RASA1: variants seen among roughly 807,000 people sequenced by gnomAD.
RASA1 encodes the protein RAS p21 protein activator 1.
In RASA1, 25 loss-of-function variants were observed where a neutral mutation model predicts 132.2. The observed-to-expected ratio is 0.19, with a 90% confidence interval of 0.14 to 0.26. RASA1 has a LOEUF of 0.26. Ranked by LOEUF, RASA1 falls within the 10% of genes least tolerant of loss-of-function variation. RASA1 has a pLI of 1.00. For missense variants in RASA1, 964 were observed against 1,299.2 expected (o/e 0.74, Z 3.97); for synonymous variants, 477 against 449.9 (o/e 1.06, Z -0.76).
intron 9 of RASA1, among the ~76,000 whole-genome samples, chr5:87,360,433 C>A (rs1759998984): frequency 6.6e-6 from 1 of 152,158 alleles, no homozygotes; most frequent in African/African-American, 2.4e-5. Context: ...TTTGAAAACT[C>A]TGATGGCTCA....
intron 6 of RASA1, among the ~76,000 whole-genome samples, chr5:87,345,211 A>G (rs528161382): frequency 1.3e-5 from 2 of 152,164 alleles, no homozygotes; most frequent in Admixed American, 6.6e-5. Context: ...TGTGGTTGAA[A>G]TATATAAATT....
intron 1 of RASA1, among the ~76,000 whole-genome samples, chr5:87,304,469 A>G (rs1464692935): frequency 6.8e-6 from 1 of 146,842 alleles, no homozygotes; most frequent in Non-Finnish European, 1.5e-5. Flanking sequence ...TTTATTATAC[A>G]CTTTTTTTTT....
chr5:87,327,524 C>T (rs1437106285), intron 1 of RASA1, among the ~76,000 whole-genome samples: 1 of 152,110 alleles, frequency 6.6e-6, no homozygotes, highest in Non-Finnish European at 1.5e-5. Flanking sequence ...GTGGCATTGC[C>T]ATAGATTGGA....
chr5:87,377,923 T>C (rs2112494456), intron 17 of RASA1, among the ~76,000 whole-genome samples: 1 of 152,366 alleles, frequency 6.6e-6, no homozygotes, highest in South Asian at 2.1e-4. Flanking sequence ...TTATCTTTTC[T>C]GACAGCATTT....
At chr5:87,385,009 G>T (rs1761970458) in intron 21 of RASA1, among the ~76,000 whole-genome samples, 1 of 151,990 alleles carries the variant, frequency 6.6e-6, no homozygotes, top group African/African-American at 2.4e-5. Flanking sequence ...AAGCTTTGAG[G>T]TCCTTTGAAA....
At chr5:87,375,291 G>A (rs2112488011) in intron 15 of RASA1, among the ~76,000 whole-genome samples, 1 of 151,120 alleles carries the variant, frequency 6.6e-6, no homozygotes, top group East Asian at 2.0e-4. Context: ...ATGGAGTCTT[G>A]CTCTTGTTGC....
Position 87,268,381 on chromosome 5 carries a change from C to T in RASA1, c.-71C>T, listed in dbSNP as rs532394603. ...GGAGACGCGTCTGGGTGGGGCTGCT[C>T]GGAGCCCGGGCCTGGTGGCCCCTGG... On this transcript the variant is annotated 5_prime_UTR_variant, in exon 1 of 25. Coordinates refer to ENST00000274376, the MANE Select transcript of RASA1 (RefSeq NM_002890.3). 79 of 1,455,826 alleles carry T rather than the reference C, an allele frequency of 5.4e-5. No individual in the cohort carries two copies. Among genetic ancestry groups the T allele is most frequent in the Non-Finnish European group, 6.8e-5 (75 of 1,102,842 alleles). The allele number at this position is 1,455,826 out of a possible 1,614,324, so 90.2% of individuals were successfully genotyped here.
At chr5:87,303,352 AT>A (rs534267434) in intron 1 of RASA1, among the ~76,000 whole-genome samples, 17 of 142,266 alleles carry the variant, frequency 1.2e-4, no homozygotes, top group East Asian at 2.0e-4. Flanking sequence ...ATTGTGTCCT[AT>A]TTTTTTTTTC....
chr5:87,278,155 T>G (rs1754148534), intron 1 of RASA1, among the ~76,000 whole-genome samples: 1 of 152,208 alleles, frequency 6.6e-6, no homozygotes, highest in East Asian at 1.9e-4. Flanking sequence ...AGACCGTATC[T>G]CACCTATATT....
intron 1 of RASA1, among the ~76,000 whole-genome samples, chr5:87,316,669 C>G (rs538878094): frequency 2.0e-5 from 3 of 152,306 alleles, no homozygotes; most frequent in Non-Finnish European, 2.9e-5. Context: ...TTTTAATACC[C>G]TGTGCCTCAG....
rs1006280414 is a variant in RASA1, at chr5:87,268,413, C to G, written c.-39C>G. On this transcript the variant is annotated 5_prime_UTR_variant, in exon 1 of 25. Transcript: ENST00000274376. ...CGGGCCTGGTGGCCCCTGGGGCTCCCGGGCGGGCAGGGTAGGGCAGAGTAG... is the reference window on the plus strand; with the variant it reads ...CGGGCCTGGTGGCCCCTGGGGCTCCGGGGCGGGCAGGGTAGGGCAGAGTAG... 7 of 1,490,474 alleles carry G rather than the reference C, an allele frequency of 4.7e-6. No homozygotes were observed. Among genetic ancestry groups the G allele is most frequent in the Admixed American group, 4.6e-5 (2 of 43,484 alleles). 92.3% of individuals were successfully genotyped at this position (1,490,474 alleles called of 1,614,324 possible).
At chr5:87,280,825 C>T (rs566630474) in intron 1 of RASA1, among the ~76,000 whole-genome samples, 3 of 151,514 alleles carry the variant, frequency 2.0e-5, no homozygotes, top group Admixed American at 6.6e-5. Flanking sequence ...GGTCCGATCT[C>T]GGCTGACTGC....
intron 7 of RASA1, among the ~76,000 whole-genome samples, chr5:87,348,478 T>C (rs1450496135): frequency 6.6e-6 from 1 of 152,022 alleles, no homozygotes; most frequent in African/African-American, 2.4e-5. Context: ...ATATTTAATA[T>C]ATGATAATTT....
chr5:87,391,116 A>G lies in RASA1; in HGVS notation c.*233A>G. The G allele has an allele frequency of 1.6e-6, 1 of 614,736 alleles. No homozygotes were observed. The highest frequency in any genetic ancestry group is 1.8e-5 in the African/African-American group (1 of 54,388). The allele number at this position is 614,736 out of a possible 1,614,324, so 38.1% of individuals were successfully genotyped here. ...TTTCCACATGGAATCAATCTTTAAC[A>G]ACCTCTGAGCCTTGGTGTACAGACC... On this transcript the variant is annotated 3_prime_UTR_variant, in exon 25 of 25. Coordinates refer to ENST00000274376, the MANE Select transcript of RASA1 (RefSeq NM_002890.3).
intron 15 of RASA1, 100 bp from the exon 16 acceptor site, chr5:87,376,293 T>C: frequency 4.3e-6 from 6 of 1,389,690 alleles, no homozygotes; most frequent in Non-Finnish European, 6.0e-6. Context: ...ATGAAAAGCA[T>C]TTAACACCAT....
chr5:87,333,259 GT>G lies in RASA1; in HGVS notation c.829-5del, dbSNP rs764136794. On this transcript the variant is annotated splice_region_variant and splice_polypyrimidine_tract_variant and intron_variant, in intron 3 of 24. Transcript: ENST00000274376. ...CTTTTTAAATCTTTTTTTTTTTATG[GT>G]TTCTAGCCAGTAGAAGATAGAAGGC... is the stretch of plus-strand genomic sequence containing the variant. 6.2e-7 allele frequency: 1 copy of G among 1,604,068 alleles called. No homozygotes were observed. The highest frequency in any genetic ancestry group is 8.5e-7 in the Non-Finnish European group (1 of 1,176,370).
At chr5:87,351,470 C>T (rs1381849109) in intron 8 of RASA1, among the ~76,000 whole-genome samples, 2 of 151,630 alleles carry the variant, frequency 1.3e-5, no homozygotes, top group Non-Finnish European at 3.0e-5. Flanking sequence ...ACAATATTAA[C>T]ATTTATCTAG....
chr5:87,380,099 G>A (rs915919177), intron 19 of RASA1, among the ~76,000 whole-genome samples: 1 of 152,122 alleles, frequency 6.6e-6, no homozygotes, highest in African/African-American at 2.4e-5. Flanking sequence ...GAGGTTTATA[G>A]TTTCAGATTT....
intron 1 of RASA1, among the ~76,000 whole-genome samples, chr5:87,285,767 C>T (rs1272495263): frequency 1.3e-5 from 2 of 150,748 alleles, no homozygotes; most frequent in Non-Finnish European, 3.0e-5. Context: ...CATAGGCGCA[C>T]ACCACCACGC....
Sources: gnomAD v4.1 joint callset for allele counts (sites outside exome capture counted in the v4.1 genomes callset) on GRCh38, gnomAD v4.1.1 for gene constraint, MANE v1.5 for transcripts, NCBI Gene and HGNC (gene_info 2026-07-23, HGNC 2026-07-21) for gene names.